The following C13orf42 variants were observed in gnomAD, a reference collection of about 807,000 sequenced individuals.
The protein encoded by C13orf42 is chromosome 13 open reading frame 42.
Position 51,147,722 on chromosome 13 carries a change from G to T in C13orf42, n.136+24531C>A, listed in dbSNP as rs188663095. Among the ~76,000 whole-genome samples, 42 of 51,964 alleles carry T rather than the reference G, an allele frequency of 8.1e-4. No individual in the cohort carries two copies. The East Asian group carries it at 0.015, about 19-fold the overall frequency. 34.1% of individuals were successfully genotyped at this position (51,964 alleles called of 152,430 possible). A position where few individuals can be genotyped will look rare whatever the true frequency, so the allele number is the denominator to read the frequency against. Reference sequence around the variant, plus strand: ...CCAGCCTGGGCAACAGAGCAAGACTGTGTCTCAAAAAAAAACAACGAAGGG... The same window carrying T: ...CCAGCCTGGGCAACAGAGCAAGACTTTGTCTCAAAAAAAAACAACGAAGGG... On this transcript the variant is annotated intron_variant and non_coding_transcript_variant, in intron 1 of 4. Coordinates refer to the C13orf42 transcript ENST00000433280.
At chr13:51,148,891 G>A (rs1261271821) in intron 1 of C13orf42, among the ~76,000 whole-genome samples, 1 of 152,166 alleles carries the variant, frequency 6.6e-6, no homozygotes, top group African/African-American at 2.4e-5. Flanking sequence ...AGGACTCCAC[G>A]GCTCAGGCTC....
chr13:51,094,149 A>G (rs1953209302), intron 1 of C13orf42, among the ~76,000 whole-genome samples: 1 of 152,170 alleles, frequency 6.6e-6, no homozygotes, highest in Non-Finnish European at 1.5e-5. Context: ...TTTAGACATA[A>G]CAAATGCCCA....
chr13:51,147,580 T>C (rs1953746161), intron 1 of C13orf42, among the ~76,000 whole-genome samples: 3 of 152,010 alleles, frequency 2.0e-5, no homozygotes, highest in African/African-American at 7.3e-5. Context: ...AACACAAAAA[T>C]TAGCCGGGCA....
intron 1 of C13orf42, among the ~76,000 whole-genome samples, chr13:51,089,619 T>G (rs1300430248): frequency 2.0e-5 from 3 of 151,998 alleles, no homozygotes; most frequent in Admixed American, 6.6e-5. Context: ...TCCCCAGCCA[T>G]GTGGAACTGT....
At chr13:51,150,600 A>C (rs898514840) in intron 1 of C13orf42, among the ~76,000 whole-genome samples, 1 of 152,240 alleles carries the variant, frequency 6.6e-6, no homozygotes, top group Non-Finnish European at 1.5e-5. Flanking sequence ...GACTGGCTGT[A>C]TAACAGAACC....
Position 51,084,241 on chromosome 13 carries a change from C to G in C13orf42, c.888G>C (p.Gln296His). The G allele has an allele frequency of 2.5e-6, 1 of 398,726 alleles. No homozygotes were observed. Among genetic ancestry groups the G allele is most frequent in the Non-Finnish European group, 4.4e-6 (1 of 226,124 alleles). The allele number at this position is 398,726 out of a possible 1,614,324, so 24.7% of individuals were successfully genotyped here. ...WDAELFALEP[Q>H]LSPGEDYYET... ...CATAGTAGTCCTCCCCAGGAGACAA[C>G]TGGGGCTCCAACGCAAAGAGCTCTG... The change falls in exon 4 of 4, where the codon CAG (glutamine) becomes CAC (histidine). Residue 296 changes from glutamine to histidine, a missense_variant. By Grantham distance (24) the Gln-to-His change is conservative. Transcript: ENST00000563710.
Position 51,121,687 on chromosome 13 carries a change from C to A in C13orf42, n.137-8465G>T, listed in dbSNP as rs112572731. Among the ~76,000 whole-genome samples the A allele has an allele frequency of 3.7e-3, 558 of 152,196 alleles. 4 individuals carry two copies. The highest frequency in any genetic ancestry group is 0.012 in the African/African-American group (496 of 41,518). On this transcript the variant is annotated intron_variant and non_coding_transcript_variant, in intron 1 of 4. Coordinates refer to the C13orf42 transcript ENST00000433280. ...AGTAGCTGGGATTACAGGCAAGTGC[C>A]ACCACGCCTGGCTAATTTTTTGTAT...
intron 1 of C13orf42, among the ~76,000 whole-genome samples, chr13:51,103,527 C>A (rs1953315345): frequency 6.6e-6 from 1 of 152,004 alleles, no homozygotes; most frequent in South Asian, 2.1e-4. Context: ...ATAGTGAAAC[C>A]CCGTCTCTAC....
At chr13:51,114,340 G>A (rs902614935), upstream of C13orf42, among the ~76,000 whole-genome samples, 3 of 152,174 alleles carry the variant, frequency 2.0e-5, no homozygotes, top group African/African-American at 7.2e-5. Context: ...TAGGGCTGGT[G>A]TAATGATTAA....
upstream of C13orf42, among the ~76,000 whole-genome samples, chr13:51,111,674 AC>A (rs1292949466): frequency 1.3e-5 from 2 of 152,020 alleles, no homozygotes; most frequent in Non-Finnish European, 2.9e-5. Flanking sequence ...GGCTGAGCTG[AC>A]TCCGGTTCTG....
upstream of C13orf42, among the ~76,000 whole-genome samples, chr13:51,114,093 G>A (rs1953462254): frequency 6.6e-6 from 1 of 152,186 alleles, no homozygotes; most frequent in Non-Finnish European, 1.5e-5. Flanking sequence ...AGCAGTGCTG[G>A]GCTGGGGCAG....
intron 1 of C13orf42, among the ~76,000 whole-genome samples, chr13:51,153,621 G>GTTTTT (rs1202370498): frequency 6.3e-4 from 52 of 82,002 alleles, no homozygotes; most frequent in East Asian, 3.1e-3. Flanking sequence ...CTTGCTTTCT[G>GTTTTT]TTTTTTTTCT....
At chr13:51,156,971 G>C (rs563604512) in intron 1 of C13orf42, among the ~76,000 whole-genome samples, 16 of 152,352 alleles carry the variant, frequency 1.1e-4, no homozygotes, top group African/African-American at 3.8e-4. Flanking sequence ...AGCACTAGTG[G>C]TGCTTTTTCT....
chr13:51,100,576 G>A (rs566787679), intron 1 of C13orf42, among the ~76,000 whole-genome samples: 32 of 152,114 alleles, frequency 2.1e-4, no homozygotes, highest in Non-Finnish European at 3.4e-4. Flanking sequence ...ATGACCCTTT[G>A]CAAAGGTCAT....
At chr13:51,100,991 G>T (rs762281494) in intron 1 of C13orf42, among the ~76,000 whole-genome samples, 3 of 152,100 alleles carry the variant, frequency 2.0e-5, no homozygotes, top group Admixed American at 1.3e-4. Flanking sequence ...ACTGAGAAAA[G>T]AATACAAAGA....
chr13:51,113,839 G>C (rs1305283657), upstream of C13orf42, among the ~76,000 whole-genome samples: 2 of 152,148 alleles, frequency 1.3e-5, no homozygotes, highest in Non-Finnish European at 2.9e-5. Flanking sequence ...TCTAAGCAGG[G>C]AGAGAGAAGG....
chr13:51,137,855 CA>C (rs1953669276), intron 1 of C13orf42, among the ~76,000 whole-genome samples: 1 of 152,174 alleles, frequency 6.6e-6, no homozygotes. Flanking sequence ...ATGCCTTCTC[CA>C]AAAAGACCCA....
At chr13:51,125,576 A>G (rs1000201993) in intron 1 of C13orf42, among the ~76,000 whole-genome samples, 1 of 152,222 alleles carries the variant, frequency 6.6e-6, no homozygotes, top group Admixed American at 6.5e-5. Context: ...CTGAAAGTGA[A>G]TATTAAAAAA....
At chr13:51,134,882 C>T (rs1333484664) in intron 1 of C13orf42, among the ~76,000 whole-genome samples, 2 of 152,354 alleles carry the variant, frequency 1.3e-5, no homozygotes, top group East Asian at 3.9e-4. Context: ...TAACACCTCC[C>T]GGCCTTCCCT....
Sources: gnomAD v4.1 joint callset for allele counts (sites outside exome capture counted in the v4.1 genomes callset) on GRCh38, gnomAD v4.1.1 for gene constraint, MANE v1.5 for transcripts, NCBI Gene and HGNC (gene_info 2026-07-23, HGNC 2026-07-21) for gene names.